TPCN2: variants seen among roughly 807,000 people sequenced by gnomAD.
The protein encoded by TPCN2 is two pore channel protein 2.
In TPCN2, 92 loss-of-function variants were observed where a neutral mutation model predicts 111.4. That is an observed-to-expected ratio of 0.83 (90% CI 0.70 to 0.98). The LOEUF (loss-of-function observed/expected upper bound fraction) is 0.98. Ranked by LOEUF, TPCN2 falls within the 50% of genes least tolerant of loss-of-function variation. TPCN2 has a pLI of 0.00. For synonymous variants in TPCN2, 405 were observed against 414.5 expected, an observed-to-expected ratio of 0.98 and a Z score of 0.28; for missense variants, 995 against 980.1, an observed-to-expected ratio of 1.02 and a Z score of -0.20.
intron 9 of TPCN2, among the ~76,000 whole-genome samples, chr11:69,070,876 G>A (rs1270705955): frequency 1.1e-4 from 15 of 131,906 alleles, no homozygotes; most frequent in African/African-American, 2.9e-4. Flanking sequence ...TTCACCCCAG[G>A]GATCCCCCAC....
At chr11:69,078,440 G>T (rs762994818) in intron 13 of TPCN2, 42 bp from the exon 14 acceptor site, 1 of 1,608,220 alleles carries the variant, frequency 6.2e-7, no homozygotes, top group Admixed American at 1.7e-5. Context: ...AACAGCCACG[G>T]CTGCTGGCCT....
At position 69,082,010 on chromosome 11, in the gene TPCN2, G is replaced by A. The variant is rs78734030; in HGVS notation, c.1689+511G>A. Among the ~76,000 whole-genome samples, 127 of 152,204 alleles carry A rather than the reference G, an allele frequency of 8.3e-4. 2 individuals are homozygous for A. In the East Asian group the frequency reaches 0.024, roughly 29 times the overall value. On this transcript the variant is annotated intron_variant, in intron 18 of 24. Transcript: ENST00000294309. ...TTAAAGGGGCAGGCAGGCAGAGGTCGGGGGTCTGGGCCTTGCTGCTCCTGG... is the reference window on the plus strand; with the variant it reads ...TTAAAGGGGCAGGCAGGCAGAGGTCAGGGGTCTGGGCCTTGCTGCTCCTGG...
chr11:69,067,379 G>C (rs922338233), intron 7 of TPCN2, 124 bp from the exon 8 acceptor site: 76 of 849,030 alleles, frequency 9.0e-5, no homozygotes, highest in Admixed American at 3.3e-4. Context: ...CCTGCTGGGA[G>C]GCCACAGGGA....
chr11:69,078,836 G>C, intron 15 of TPCN2, 43 bp downstream of exon 15: 14 of 1,614,086 alleles, frequency 8.7e-6, no homozygotes, highest in Non-Finnish European at 1.2e-5. Flanking sequence ...GGGTGAGGCT[G>C]GGCAGTGCTG....
In TPCN2 at chr11:69,077,317, CCACCTGCCCTCCTGCTGTGTCCCTT is replaced by C. The variant is rs1213892189; in HGVS notation, c.1231-1149_1231-1125del. Among the ~76,000 whole-genome samples, 33 of 69,148 alleles carry C rather than the reference CCACCTGCCCTCCTGCTGTGTCCCTT, an allele frequency of 4.8e-4. 5 individuals carry two copies. The highest frequency in any genetic ancestry group is 1.4e-3 in the Admixed American group (8 of 5,700). 45.4% of individuals were successfully genotyped at this position (69,148 alleles called of 152,430 possible). A position where few individuals can be genotyped will look rare whatever the true frequency, so the allele number is the denominator to read the frequency against. On this transcript the variant is annotated intron_variant, in intron 13 of 24. Coordinates refer to ENST00000294309, the MANE Select transcript of TPCN2 (RefSeq NM_139075.4). ...CCACTTGCCCTCCTGCCGTGTCCCT[CCACCTGCCCTCCTGCTGTGTCCCTT>C]CACCTGCCCTCCTGCCATGTCCCTC...
In TPCN2 at chr11:69,048,949, C is replaced by T. The variant is rs1861086245; in HGVS notation, c.-49C>T. 8 of 1,189,780 alleles carry T rather than the reference C, an allele frequency of 6.7e-6. No homozygotes were observed. In the South Asian group the frequency reaches 1.3e-4, roughly 19 times the overall value. The allele number at this position is 1,189,780 out of a possible 1,614,324, so 73.7% of individuals were successfully genotyped here. A position where few individuals can be genotyped will look rare whatever the true frequency, so the allele number is the denominator to read the frequency against. On this transcript the variant is annotated 5_prime_UTR_variant, in exon 1 of 25. Coordinates refer to ENST00000294309, the MANE Select transcript of TPCN2 (RefSeq NM_139075.4). ...GCGCCTGCGCAGTGAAGCTGGGCGC[C>T]TTCGGGGCTTGAGCTTCTGAGGGTC...
chr11:69,077,967 C>G (rs1056510662), intron 13 of TPCN2, among the ~76,000 whole-genome samples: 4 of 152,180 alleles, frequency 2.6e-5, no homozygotes, highest in Non-Finnish European at 5.9e-5. Context: ...TGACCTCTTG[C>G]ACACACAGAC....
In TPCN2 at chr11:69,088,282, G is replaced by T. The variant is rs1209477566; in HGVS notation, c.*329G>T. On this transcript the variant is annotated 3_prime_UTR_variant, in exon 25 of 25. Coordinates refer to ENST00000294309, the MANE Select transcript of TPCN2 (RefSeq NM_139075.4). The stretch of plus-strand genomic sequence containing the variant: ...TCCCCTGTCCCCTGCAGCTTCCGTG[G>T]TGCCTTTGCTGCCGGCAGCCCTTGG... 3 of 284,174 alleles carry T rather than the reference G, an allele frequency of 1.1e-5. No homozygotes were observed. The highest frequency in any genetic ancestry group is 4.8e-5 in the Admixed American group (1 of 20,838). The allele number at this position is 284,174 out of a possible 1,614,324, so 17.6% of individuals were successfully genotyped here. A position where few individuals can be genotyped will look rare whatever the true frequency, so the allele number is the denominator to read the frequency against.
In TPCN2 at chr11:69,078,961, C is replaced by A; in HGVS notation, c.1480C>A (p.Arg494=). ...GCTCAAGGTCTTTGCCCTGGGCCTG[C>A]GAGGGTACCTGTCCTACCCCAGCAA... is the stretch of plus-strand genomic sequence containing the variant. ...MLLKVFALGL[R]GYLSYPSNVF... is the part of the protein sequence containing the mutation. The change falls in exon 16 of 25, where the codon CGA becomes AGA. Residue 494 remains arginine (R), a synonymous_variant. Coordinates refer to ENST00000294309, the MANE Select transcript of TPCN2 (RefSeq NM_139075.4). 1.2e-6 allele frequency: 2 copies of A among 1,613,990 alleles called. No individual in the cohort carries two copies. The highest frequency in any genetic ancestry group is 8.5e-7 in the Non-Finnish European group (1 of 1,179,984).
Position 69,081,452 on chromosome 11 carries a change from A to T in TPCN2, c.1642A>T (p.Asn548Tyr). Reference sequence around the variant, plus strand: ...GCTGTGGGACATGACCCGCATGCTGAACATGCTCATCGTGTTCCGCTTCCT... The same window carrying T: ...GCTGTGGGACATGACCCGCATGCTGTACATGCTCATCGTGTTCCGCTTCCT... Reference protein sequence around the residue: ...LSLWDMTRMLNMLIVFRFLRI... With the variant: ...LSLWDMTRMLYMLIVFRFLRI... Residue 548 changes from asparagine (N) to tyrosine (Y), a missense_variant, in exon 18 of 25, where the codon AAC (asparagine) becomes TAC (tyrosine). By Grantham distance (143) the Asn-to-Tyr change is moderately radical (BLOSUM62 -2). Transcript: ENST00000294309. The T allele has an allele frequency of 6.3e-7, 1 of 1,576,196 alleles. No individual in the cohort carries two copies.
chr11:69,079,117 A>G, intron 16 of TPCN2, 97 bp downstream of exon 16: 2 of 1,448,052 alleles, frequency 1.4e-6, no homozygotes, highest in Non-Finnish European at 9.2e-7. Flanking sequence ...CCTGAGGACT[A>G]GAGGCTGTAG....
intron 10 of TPCN2, 118 bp downstream of exon 10, chr11:69,071,538 G>A (rs1296053780): frequency 2.6e-5 from 23 of 892,502 alleles, no homozygotes; most frequent in Non-Finnish European, 3.6e-5. Flanking sequence ...GGACGGGAGG[G>A]CAGGGTTGCC....
At chr11:69,077,646 A>G (rs1050708512) in intron 13 of TPCN2, among the ~76,000 whole-genome samples, 1 of 152,156 alleles carries the variant, frequency 6.6e-6, no homozygotes, top group Non-Finnish European at 1.5e-5. Context: ...TACCTGGGGA[A>G]ACAGTTGCTT....
intron 13 of TPCN2, among the ~76,000 whole-genome samples, chr11:69,073,382 G>A (rs933340340): frequency 2.6e-5 from 4 of 152,212 alleles, no homozygotes; most frequent in East Asian, 3.9e-4. Context: ...CTCAGCATCC[G>A]ACTAAGCTCT....
Position 69,087,130 on chromosome 11 carries a change from G to A in TPCN2, c.2104G>A (p.Asp702Asn), listed in dbSNP as rs373232186. The part of the protein sequence containing the change: ...LILENFLHKW[D>N]PRSHLQPLAG... ...TTGCCAGAACTTCCTTCACAAGTGGGACCCCCGCAGCCACCTGCAGCCCCT... is the reference window on the plus strand; with the variant it reads ...TTGCCAGAACTTCCTTCACAAGTGGAACCCCCGCAGCCACCTGCAGCCCCT... The change falls in exon 24 of 25, where the codon GAC becomes AAC. Residue 702 changes from aspartate (D) to asparagine (N), a missense_variant. Asp to Asn is a conservative substitution (Grantham distance 23, BLOSUM62 1). Coordinates refer to ENST00000294309, the MANE Select transcript of TPCN2 (RefSeq NM_139075.4). 12 of 1,613,720 alleles carry A rather than the reference G, an allele frequency of 7.4e-6. No homozygotes were observed. The highest frequency in any genetic ancestry group is 4.0e-5 in the African/African-American group (3 of 74,886).
intron 17 of TPCN2, 107 bp downstream of exon 17, chr11:69,079,990 T>C (rs1855938416): frequency 6.0e-6 from 6 of 1,006,034 alleles, no homozygotes; most frequent in African/African-American, 4.8e-5. Flanking sequence ...GCTCTGACTC[T>C]AGGGCAGACC....
At chr11:69,055,049 C>G in intron 3 of TPCN2, 126 bp from the exon 4 acceptor site, 1 of 1,049,838 alleles carries the variant, frequency 9.5e-7, no homozygotes, top group Non-Finnish European at 1.4e-6. Context: ...GTGATCTCCC[C>G]AGTCACGAGT....
intron 11 of TPCN2, 129 bp from the exon 12 acceptor site, chr11:69,072,498 G>A: frequency 1.2e-6 from 1 of 828,620 alleles, no homozygotes. Flanking sequence ...GGGGCTCTTG[G>A]TGTGGCTCAA....
At chr11:69,078,090 A>G (rs535859016) in intron 13 of TPCN2, among the ~76,000 whole-genome samples, 2 of 151,860 alleles carry the variant, frequency 1.3e-5, no homozygotes, top group African/African-American at 4.8e-5. Flanking sequence ...TGGCCACAGT[A>G]CAGGAGTTGG....
Sources: gnomAD v4.1 joint callset for allele counts (sites outside exome capture counted in the v4.1 genomes callset) on GRCh38, gnomAD v4.1.1 for gene constraint, MANE v1.5 for transcripts, NCBI Gene and HGNC (gene_info 2026-07-23, HGNC 2026-07-21) for gene names.